Variants in ASDURF observed in about 807,000 individuals in gnomAD.
The protein encoded by ASDURF is ASNSD1 upstream open reading frame, also known as ASDURF protein.
Under a neutral mutation model 3.3 loss-of-function variants are expected in ASDURF, and 3 were observed. The observed-to-expected ratio is 0.92, with a 90% confidence interval of 0.42 to 2.37. The LOEUF (loss-of-function observed/expected upper bound fraction) is 2.37, where lower values mean the gene tolerates loss of function less well. Among genes scored for constraint, ASDURF ranks in the 30% most tolerant of loss-of-function variants. ASDURF has a pLI of 0.05. For synonymous variants in ASDURF, 11 were observed against 8.3 expected, an observed-to-expected ratio of 1.32 and a Z score of -0.55; for missense variants, 23 against 25.4, an observed-to-expected ratio of 0.90 and a Z score of 0.21.
At chr2:189,665,596 GTGTATATA>G (rs1422341952) in intron 3 of ASDURF, 145 bp downstream of exon 3, 2,804 of 111,476 alleles carry the variant, frequency 0.025, 227 homozygotes, top group African/African-American at 0.048. Flanking sequence ...ATATATATAT[GTGTATATA>G]TATATATATA....
intron 3 of ASDURF, among the ~76,000 whole-genome samples, 167 bp downstream of exon 3, chr2:189,665,618 A>ATATATATATG (rs2032779086): frequency 1.8e-5 from 2 of 108,900 alleles, no homozygotes; most frequent in African/African-American, 7.2e-5. Flanking sequence ...ATATATATAT[A>ATATATATATG]TATATATATA....
rs1358703631 is a variant in ASDURF at position 189,661,481 on chromosome 2, T to C, written c.-40T>C. On this transcript the variant is annotated 5_prime_UTR_variant, in exon 1 of 4. Transcript: ENST00000607829. ...GCTGTGGCTAATGCCGTAGGCTCCT[T>C]CAGGGCTGAGCCATCCCGCGTGTCT... 5.0e-6 allele frequency: 2 copies of C among 399,028 alleles called. No homozygotes were observed. The highest frequency in any genetic ancestry group is 4.4e-5 in the Admixed American group (1 of 22,720). 24.7% of individuals were successfully genotyped at this position (399,028 alleles called of 1,614,324 possible).
At chr2:189,662,676 T>C (rs1253857223) in intron 1 of ASDURF, among the ~76,000 whole-genome samples, 3 of 152,114 alleles carry the variant, frequency 2.0e-5, no homozygotes, top group Admixed American at 1.3e-4. Context: ...AGCACAAATA[T>C]GATAAAAGCT....
intron 1 of ASDURF, among the ~76,000 whole-genome samples, chr2:189,663,182 CTTAA>C (rs905596764): frequency 7.9e-5 from 12 of 151,320 alleles, no homozygotes; most frequent in Non-Finnish European, 1.3e-4. Context: ...TAAATCACAA[CTTAA>C]TTTTCAATCT....
At position 189,661,596 on chromosome 2, in the gene ASDURF, G is replaced by A; in HGVS notation, c.76G>A (p.Asp26Asn). The change falls in exon 1 of 4, where the codon GAT (aspartate) becomes AAT (asparagine). Residue 26 changes from aspartate (D) to asparagine (N), a missense_variant. By Grantham distance (23) the Asp-to-Asn change is conservative. Transcript: ENST00000607829. ...CGACAATTCGACCCCACACAAGGAG[G>A]ATCTAAGCAGCAAGGTGAGTGTGAG... ...PTDNSTPHKE[D>N]LSSKIKEQKI... 2 of 399,374 alleles carry A rather than the reference G, an allele frequency of 5.0e-6. No individual in the cohort carries two copies. The highest frequency in any genetic ancestry group is 8.8e-6 in the Non-Finnish European group (2 of 226,310). The allele number at this position is 399,374 out of a possible 1,614,324, so 24.7% of individuals were successfully genotyped here.
chr2:189,661,732 G>T, intron 1 of ASDURF, 122 bp downstream of exon 1: 1 of 397,934 alleles, frequency 2.5e-6, no homozygotes, highest in Admixed American at 4.4e-5. Flanking sequence ...CTGCTACTTT[G>T]CTCTTTTTAT....
chr2:189,665,430 G>C lies in ASDURF; in HGVS notation c.199G>C (p.Glu67Gln), dbSNP rs980413996. The change falls in exon 3 of 4, where the codon GAA becomes CAA. Residue 67 changes from glutamate (E) to glutamine (Q), a missense_variant. Transcript: ENST00000607829. ...SNIFFLADRT[E>Q]MLSESKNILD... Reference sequence around the variant, plus strand: ...TATATTCTTTCTTGCAGACCGAACAGAAATGCTGTCTGAGAGCAAGAGTAA... The same window carrying C: ...TATATTCTTTCTTGCAGACCGAACACAAATGCTGTCTGAGAGCAAGAGTAA... 17 of 397,642 alleles carry C rather than the reference G, an allele frequency of 4.3e-5. No homozygotes were observed. Among genetic ancestry groups the C allele is most frequent in the African/African-American group, 3.3e-4 (16 of 48,390 alleles). 24.6% of individuals were successfully genotyped at this position (397,642 alleles called of 1,614,324 possible). A position where few individuals can be genotyped will look rare whatever the true frequency, so the allele number is the denominator to read the frequency against.
In ASDURF at chr2:189,665,359, T is replaced by C. The variant is rs1006886838; in HGVS notation, c.145-17T>C. 1.0e-5 allele frequency: 4 copies of C among 396,304 alleles called. No individual in the cohort carries two copies. Among genetic ancestry groups the C allele is most frequent in the African/African-American group, 8.2e-5 (4 of 48,536 alleles). The allele number at this position is 396,304 out of a possible 1,614,324, so 24.5% of individuals were successfully genotyped here. On this transcript the variant is annotated splice_polypyrimidine_tract_variant and intron_variant, in intron 2 of 3. Coordinates refer to ENST00000607829, the MANE Select transcript of ASDURF (RefSeq NM_001353493.2). ...TTTAGATCAAAATTTGATATTAGCC[T>C]AAATTATGTTTTCCAGAAAGTATAT...
At chr2:189,665,980 G>A (rs2032792241) in intron 3 of ASDURF, 61 bp from the exon 4 acceptor site, 1 of 752,088 alleles carries the variant, frequency 1.3e-6, no homozygotes, top group African/African-American at 1.8e-5. Flanking sequence ...CCTCTGAATT[G>A]CTAGGTAAAA....
Position 189,666,097 on chromosome 2 carries a change from A to G in ASDURF, c.277A>G (p.Lys93Glu), listed in dbSNP as rs774540498. 2.0e-6 allele frequency: 3 copies of G among 1,497,628 alleles called. No homozygotes were observed. Among genetic ancestry groups the G allele is most frequent in the Non-Finnish European group, 8.9e-7 (1 of 1,127,114 alleles). The allele number at this position is 1,497,628 out of a possible 1,614,324, so 92.8% of individuals were successfully genotyped here. A position where few individuals can be genotyped will look rare whatever the true frequency, so the allele number is the denominator to read the frequency against. Reference sequence around the variant, plus strand: ...AGAAATAGAAAACTTAGACAAGACCAAAATCAAGAAATAGTCAACCTGATT... The same window carrying G: ...AGAAATAGAAAACTTAGACAAGACCGAAATCAAGAAATAGTCAACCTGATT... Reference protein sequence around the residue: ...YQEIENLDKTKIKK With the variant: ...YQEIENLDKTEIKK Residue 93 changes from lysine to glutamate, a missense_variant, in exon 4 of 4, where the codon AAA becomes GAA. By Grantham distance (56) the Lys-to-Glu change is moderately conservative. Coordinates refer to ENST00000607829, the MANE Select transcript of ASDURF (RefSeq NM_001353493.2).
chr2:189,663,674 T>C (rs1380441676), intron 1 of ASDURF, among the ~76,000 whole-genome samples: 5 of 152,208 alleles, frequency 3.3e-5, no homozygotes, highest in Non-Finnish European at 1.5e-5. Flanking sequence ...TACCTAACAT[T>C]TTGCAAGTCT....
rs117249934 is a variant in ASDURF, at chr2:189,661,702, G to C, written c.90+92G>C. ...GTCCGCAGCGGGCAGCGTGGGGCCT[G>C]CCTGGGCCTCGGCTTTGCCCTGCTA... On this transcript the variant is annotated intron_variant, in intron 1 of 3. Coordinates refer to ENST00000607829, the MANE Select transcript of ASDURF (RefSeq NM_001353493.2). 388 of 398,924 alleles carry C rather than the reference G, an allele frequency of 9.7e-4. 7 individuals are homozygous for C. The East Asian group carries it at 0.013, about 13-fold the overall frequency. The allele number at this position is 398,924 out of a possible 1,614,324, so 24.7% of individuals were successfully genotyped here. A position where few individuals can be genotyped will look rare whatever the true frequency, so the allele number is the denominator to read the frequency against.
Position 189,663,248 on chromosome 2 carries a change from A to T in ASDURF, c.91-653A>T, listed in dbSNP as rs538741966. On this transcript the variant is annotated intron_variant, in intron 1 of 3. Transcript: ENST00000607829. Reference sequence around the variant, plus strand: ...TATATCATATATATATATTTTTTAAATTATTTATTTATTTATTTTTTTGAG... The same window carrying T: ...TATATCATATATATATATTTTTTAATTTATTTATTTATTTATTTTTTTGAG... Among the ~76,000 whole-genome samples the T allele has an allele frequency of 4.6e-4, 69 of 148,706 alleles. 1 individual carries two copies. In the South Asian group the frequency reaches 9.7e-3, roughly 21 times the overall value.
At chr2:189,662,580 A>C (rs1324871085) in intron 1 of ASDURF, among the ~76,000 whole-genome samples, 1 of 152,178 alleles carries the variant, frequency 6.6e-6, no homozygotes. Flanking sequence ...TGAATTTTCA[A>C]AAGACACACA....
At chr2:189,665,616 A>G (rs370946194) in intron 3 of ASDURF, among the ~76,000 whole-genome samples, 165 bp downstream of exon 3, 49,465 of 106,742 alleles carry the variant, frequency 0.46, 12,627 homozygotes, top group Admixed American at 0.59. Context: ...ATATATATAT[A>G]TATATATATA....
chr2:189,665,090 T>A (rs2032755311), intron 2 of ASDURF, among the ~76,000 whole-genome samples: 1 of 152,218 alleles, frequency 6.6e-6, no homozygotes, highest in Non-Finnish European at 1.5e-5. Flanking sequence ...GAACACTTAC[T>A]GATAAGAAAA....
In ASDURF at chr2:189,666,159, C is replaced by G; in HGVS notation, c.*48C>G. On this transcript the variant is annotated 3_prime_UTR_variant, in exon 4 of 4. Coordinates refer to ENST00000607829, the MANE Select transcript of ASDURF (RefSeq NM_001353493.2). ...TGTGTGGCATTTGTTGTTCTGTAAA[C>G]TTTTCTGCTGAGCATTTCAGTCAAG... is the stretch of plus-strand genomic sequence containing the variant. 1 of 1,586,696 alleles carries G rather than the reference C, an allele frequency of 6.3e-7. No individual in the cohort carries two copies. Among genetic ancestry groups the G allele is most frequent in the South Asian group, 1.2e-5 (1 of 85,900 alleles).
At chr2:189,665,610 A>ATATATATATG (rs2032776269) in intron 3 of ASDURF, among the ~76,000 whole-genome samples, 159 bp downstream of exon 3, 1 of 20,230 alleles carries the variant, frequency 4.9e-5, no homozygotes, top group African/African-American at 8.6e-5. Context: ...ATATATATAT[A>ATATATATATG]TATATATATA....
At chr2:189,661,947 A>T (rs1182925214) in intron 1 of ASDURF, among the ~76,000 whole-genome samples, 3 of 152,154 alleles carry the variant, frequency 2.0e-5, no homozygotes, top group Non-Finnish European at 4.4e-5. Flanking sequence ...CCATCCAGTT[A>T]ACCATGCCAG....
Sources: allele counts gnomAD v4.1 joint callset (sites outside exome capture counted in the v4.1 genomes callset), GRCh38; gene constraint gnomAD v4.1.1; transcripts MANE v1.5; gene names NCBI Gene and HGNC (gene_info 2026-07-23, HGNC 2026-07-21).